Variants in INTS7 observed in about 807,000 individuals in gnomAD.
INTS7 encodes the protein integrator complex subunit 7.
In INTS7, 46 loss-of-function variants were observed where a neutral mutation model predicts 109.2. That is an observed-to-expected ratio of 0.42 (90% confidence interval 0.33 to 0.54). The LOEUF is 0.54. Ranked by LOEUF, INTS7 falls within the 20% of genes least tolerant of loss-of-function variation. The probability of loss-of-function intolerance (pLI) is 0.07; values close to 1 mark genes in which losing one functional copy is unlikely to be tolerated. For synonymous variants in INTS7, 412 were observed against 402.9 expected, an observed-to-expected ratio of 1.02 and a Z score of -0.27; for missense variants, 929 against 1,132.4, an observed-to-expected ratio of 0.82 and a Z score of 2.58.
At chr1:212,001,528 T>C (rs188649839) in intron 7 of INTS7, among the ~76,000 whole-genome samples, 50 of 152,328 alleles carry the variant, frequency 3.3e-4, no homozygotes, top group African/African-American at 1.2e-3. Context: ...TTAGGTATTA[T>C]AAGTAATCTA....
intron 8 of INTS7, among the ~76,000 whole-genome samples, chr1:211,985,528 C>A (rs1664857796): frequency 6.6e-6 from 1 of 152,014 alleles, no homozygotes; most frequent in Non-Finnish European, 1.5e-5. Context: ...AATAAAAGGA[C>A]AAATACCTAG....
At chr1:212,008,787 G>C (rs536815280) in intron 5 of INTS7, among the ~76,000 whole-genome samples, 4 of 152,202 alleles carry the variant, frequency 2.6e-5, no homozygotes, top group East Asian at 1.9e-4. Context: ...ATTAGTGAAA[G>C]GATTCTATCA....
At position 211,942,329 on chromosome 1, in the gene INTS7, C is replaced by T. The variant is rs567343918; in HGVS notation, c.2602-218G>A. Among the ~76,000 whole-genome samples the T allele has an allele frequency of 3.5e-4, 53 of 152,282 alleles. 1 individual carries two copies. Among genetic ancestry groups the T allele is most frequent in the Middle Eastern group, 6.8e-3 (2 of 294 alleles). The stretch of plus-strand genomic sequence containing the variant: ...AGTGAACGGAGTAGGAATCTGAACA[C>T]AGGCAGACTACCTCCAGGGCCTACA... On this transcript the variant is annotated intron_variant, in intron 19 of 19. Coordinates refer to ENST00000366994, the MANE Select transcript of INTS7 (RefSeq NM_015434.4). This position sits in a 1 kb window ranked among gnomAD's most constrained non-coding sequence, Gnocchi z 4.2.
At chr1:211,945,008 A>T (rs750415475) in intron 18 of INTS7, 39 bp from the exon 19 acceptor site, 2 of 1,595,892 alleles carry the variant, frequency 1.3e-6, no homozygotes, top group Non-Finnish European at 1.7e-6. Context: ...AACAACCAAG[A>T]GCAAGCTTCC....
rs763057674 is a variant in INTS7, at chr1:211,967,921, C to A, written c.2071G>T (p.Ala691Ser). Residue 691 changes from alanine to serine, a missense_variant, in exon 15 of 20, where the codon GCA becomes TCA. Physicochemically the swap from Ala to Ser is moderately conservative, Grantham distance 99. Transcript: ENST00000366994. The stretch of plus-strand genomic sequence containing the variant: ...GTTGCTGAGTCAGCATCAAAAGATG[C>A]CTGGTAAAGATCTCCATATCGAGAA... Reference protein sequence around the residue: ...LASRYGDLYQASFDADSATLR... With the variant: ...LASRYGDLYQSSFDADSATLR... The A allele has an allele frequency of 7.5e-6, 12 of 1,609,080 alleles. No homozygotes were observed. The highest frequency in any genetic ancestry group is 9.3e-6 in the Non-Finnish European group (11 of 1,177,510).
intron 14 of INTS7, 44 bp from the exon 15 acceptor site, chr1:211,968,025 A>G: frequency 9.3e-7 from 1 of 1,080,668 alleles, no homozygotes; most frequent in Non-Finnish European, 1.3e-6. Flanking sequence ...TGCTATCATT[A>G]TTGTATAAAC....
chr1:211,981,055 T>C (rs753422417), intron 10 of INTS7, 38 bp downstream of exon 10: 29 of 1,276,114 alleles, frequency 2.3e-5, no homozygotes, highest in Non-Finnish European at 2.8e-5. Context: ...AAGACCATCA[T>C]ATATATCTAT....
intron 15 of INTS7, among the ~76,000 whole-genome samples, chr1:211,966,826 C>T (rs1663903487): frequency 1.3e-5 from 2 of 151,584 alleles, no homozygotes; most frequent in Non-Finnish European, 2.9e-5. Flanking sequence ...GAGTTTGAGA[C>T]AAACAAGCAA....
chr1:211,968,804 T>C (rs754751477), intron 13 of INTS7, 97 bp from the exon 14 acceptor site: 4 of 833,548 alleles, frequency 4.8e-6, no homozygotes, highest in Non-Finnish European at 7.3e-6. Context: ...TCAAGTGCAG[T>C]AGTTCTCTAA....
chr1:211,988,459 C>G (rs887960440), intron 7 of INTS7, among the ~76,000 whole-genome samples: 4 of 151,194 alleles, frequency 2.6e-5, no homozygotes, highest in Middle Eastern at 3.2e-3. Context: ...GGTCAAACTT[C>G]CAAACTCTTT....
At chr1:212,007,582 G>A (rs961608775) in intron 5 of INTS7, 133 bp from the exon 6 acceptor site, 9 of 616,038 alleles carry the variant, frequency 1.5e-5, no homozygotes, top group African/African-American at 1.1e-4. Context: ...TAACATTAAA[G>A]ATTATACTAG....
In INTS7 at chr1:211,978,406, G is replaced by A. The variant is rs1223475292; in HGVS notation, c.1336C>T (p.Arg446Trp). The A allele has an allele frequency of 1.5e-5, 24 of 1,614,028 alleles. No homozygotes were observed. The highest frequency in any genetic ancestry group is 4.0e-5 in the African/African-American group (3 of 74,898). The change falls in exon 11 of 20, where the codon CGG becomes TGG. Residue 446 changes from arginine (R) to tryptophan (W), a missense_variant. Arg to Trp is a moderately radical substitution (Grantham distance 101). Coordinates refer to ENST00000366994, the MANE Select transcript of INTS7 (RefSeq NM_015434.4). The part of the protein sequence containing the change: ...TQLHSAQDAA[R>W]ILMCHCLAAI... The stretch of plus-strand genomic sequence containing the variant: ...GCCAGGCAATGGCACATCAAAATCC[G>A]GGCAGCGTCTTGAGCACTGTGCAAT...
At chr1:211,945,030 A>G (rs963519401) in intron 18 of INTS7, 61 bp from the exon 19 acceptor site, 3 of 1,505,704 alleles carry the variant, frequency 2.0e-6, no homozygotes, top group African/African-American at 1.4e-5. Flanking sequence ...TCCGACAAAC[A>G]TGTCTGTGCT....
At chr1:211,953,726 G>T (rs1210564025) in intron 16 of INTS7, among the ~76,000 whole-genome samples, 1 of 151,410 alleles carries the variant, frequency 6.6e-6, no homozygotes, top group Non-Finnish European at 1.5e-5. Flanking sequence ...CAAAGGACAT[G>T]AACTCATCAT....
intron 13 of INTS7, among the ~76,000 whole-genome samples, chr1:211,969,125 A>G (rs1017399201): frequency 3.3e-5 from 5 of 152,122 alleles, no homozygotes; most frequent in African/African-American, 1.2e-4. Flanking sequence ...TCTATTAAAA[A>G]TACAAAAAAA....
chr1:211,975,803 G>A (rs1484545838), intron 12 of INTS7, among the ~76,000 whole-genome samples: 2 of 152,178 alleles, frequency 1.3e-5, no homozygotes, highest in East Asian at 3.8e-4. Context: ...TCAATGTCCT[G>A]CAGTGCTTGG....
intron 8 of INTS7, among the ~76,000 whole-genome samples, chr1:211,985,006 T>C (rs1664834540): frequency 6.6e-6 from 1 of 152,222 alleles, no homozygotes; most frequent in Non-Finnish European, 1.5e-5. Flanking sequence ...GTGCTCAGAA[T>C]AATCTTGTAT....
chr1:211,998,651 C>T (rs1391798394), intron 7 of INTS7, among the ~76,000 whole-genome samples: 2 of 150,122 alleles, frequency 1.3e-5, no homozygotes, highest in Non-Finnish European at 3.0e-5. Context: ...AGATAAAATA[C>T]AACCTATAAA....
intron 10 of INTS7, 74 bp from the exon 11 acceptor site, chr1:211,978,585 A>T (rs747119305): frequency 1.3e-6 from 2 of 1,550,254 alleles, no homozygotes; most frequent in Non-Finnish European, 1.8e-6. Flanking sequence ...AGAGCTTTGT[A>T]CAGGTTACTG....
Sources: allele counts gnomAD v4.1 joint callset (sites outside exome capture counted in the v4.1 genomes callset), GRCh38; gene constraint gnomAD v4.1.1; non-coding constraint Gnocchi (gnomAD v3.1); transcripts MANE v1.5; gene names NCBI Gene and HGNC (gene_info 2026-07-23, HGNC 2026-07-21).